CDH12: variants seen among roughly 807,000 people sequenced by gnomAD.
CDH12 encodes cadherin 12, also known as cadherin-12.
A neutral mutation model predicts 74.1 loss-of-function variants in CDH12; 41 were observed. That is an observed-to-expected ratio of 0.55 (90% CI 0.43 to 0.72). The LOEUF (loss-of-function observed/expected upper bound fraction) is 0.72, where lower values mean the gene tolerates loss of function less well. Ranked by LOEUF, CDH12 falls within the 30% of genes least tolerant of loss-of-function variation. CDH12 has a pLI of 0.00. For missense variants in CDH12, 945 were observed against 977.2 expected (o/e 0.97, Z 0.44); for synonymous variants, 399 against 355.0 (o/e 1.12, Z -1.39).
chr5:21,872,782 A>AGATC (rs200233475), intron 6 of CDH12, among the ~76,000 whole-genome samples: 8,480 of 99,624 alleles, frequency 0.085, 323 homozygotes, highest in Middle Eastern at 0.11. Flanking sequence ...GTTAAGAGTA[A>AGATC]GATCTATCTA....
At chr5:22,338,949 G>C (rs776898469) in intron 3 of CDH12, among the ~76,000 whole-genome samples, 8 of 152,044 alleles carry the variant, frequency 5.3e-5, no homozygotes, top group Non-Finnish European at 1.2e-4. Flanking sequence ...AAAGAACAGA[G>C]GCTTCAGTCC....
At chr5:21,969,117 C>T (rs549004057) in intron 6 of CDH12, among the ~76,000 whole-genome samples, 8 of 150,764 alleles carry the variant, frequency 5.3e-5, no homozygotes, top group Non-Finnish European at 1.2e-4. Context: ...ACATCCTGCA[C>T]AGGTACTCCA....
At chr5:22,095,381 C>T (rs777295653) in intron 4 of CDH12, among the ~76,000 whole-genome samples, 5 of 152,198 alleles carry the variant, frequency 3.3e-5, no homozygotes, top group Admixed American at 6.5e-5. Flanking sequence ...ACTCCGGCGC[C>T]GGTCATGGAC....
chr5:22,098,027 C>T (rs960777228), intron 4 of CDH12, among the ~76,000 whole-genome samples: 29 of 152,278 alleles, frequency 1.9e-4, no homozygotes, highest in Non-Finnish European at 3.7e-4. Flanking sequence ...GGTGCCAAAC[C>T]CATATACTCT....
intron 1 of CDH12, among the ~76,000 whole-genome samples, chr5:22,770,872 C>T (rs1746770082): frequency 6.6e-6 from 1 of 151,954 alleles, no homozygotes. Context: ...TCCTAAAGCA[C>T]AATAGTGATA....
chr5:22,582,902 A>G (rs1041294964), intron 1 of CDH12, among the ~76,000 whole-genome samples: 1 of 152,112 alleles, frequency 6.6e-6, no homozygotes, highest in African/African-American at 2.4e-5. Flanking sequence ...CCAGCACTAT[A>G]GGGGGATTGA....
chr5:22,667,585 T>C (rs139020507), intron 1 of CDH12, among the ~76,000 whole-genome samples: 31 of 152,342 alleles, frequency 2.0e-4, no homozygotes, highest in Middle Eastern at 3.4e-3. Context: ...TGATTTGCAC[T>C]ACTATGGATT....
rs71609770 is a variant in CDH12, at chr5:22,532,350, GATATATAT to G, written c.-522-26994_-522-26987del. ...TCTAACAGATAAATTATATAAATAG[GATATATAT>G]ATATATATATATATATATATGTATG... On this transcript the variant is annotated intron_variant, in intron 1 of 14. Transcript: ENST00000382254. Among the ~76,000 whole-genome samples the G allele has an allele frequency of 2.1e-3, 57 of 27,562 alleles. 4 individuals are homozygous for G. The highest frequency in any genetic ancestry group is 4.5e-3 in the South Asian group (3 of 666). 18.1% of individuals were successfully genotyped at this position (27,562 alleles called of 152,430 possible).
chr5:22,119,191 T>C (rs192628059), intron 4 of CDH12, among the ~76,000 whole-genome samples: 29 of 151,986 alleles, frequency 1.9e-4, no homozygotes, highest in African/African-American at 6.8e-4. Flanking sequence ...CTTCTTACTA[T>C]AAAGTTGTGA....
Position 22,477,698 on chromosome 5 carries a change from A to G in CDH12, c.-428+27572T>C, listed in dbSNP as rs554309542. 1.2e-3 allele frequency among the ~76,000 whole-genome samples: 180 copies of G among 152,282 alleles called. 1 individual carries two copies. Among genetic ancestry groups the G allele is most frequent in the African/African-American group, 4.2e-3 (173 of 41,574 alleles). On this transcript the variant is annotated intron_variant, in intron 2 of 14. Coordinates refer to ENST00000382254, the MANE Select transcript of CDH12 (RefSeq NM_004061.5). ...AATGGCCCTACTCTTCATACAGTTA[A>G]TAACACTATTGGACTACCCTCACTG...
At chr5:21,995,638 T>C (rs1736242332) in intron 5 of CDH12, among the ~76,000 whole-genome samples, 1 of 151,720 alleles carries the variant, frequency 6.6e-6, no homozygotes, top group African/African-American at 2.4e-5. Flanking sequence ...TTCATAATCA[T>C]AGGCACATAC....
At chr5:22,382,109 TTATAA>T (rs1261491057) in intron 3 of CDH12, among the ~76,000 whole-genome samples, 5 of 146,202 alleles carry the variant, frequency 3.4e-5, no homozygotes, top group African/African-American at 5.0e-5. Context: ...TAATATATAT[TTATAA>T]TATATCACAT....
chr5:22,166,659 T>C (rs1748698458), intron 4 of CDH12, among the ~76,000 whole-genome samples: 2 of 152,184 alleles, frequency 1.3e-5, no homozygotes, highest in African/African-American at 2.4e-5. Flanking sequence ...CACATGCTTT[T>C]AAAATATTTT....
At chr5:21,891,859 AGAAG>A (rs932139128) in intron 6 of CDH12, among the ~76,000 whole-genome samples, 5 of 152,082 alleles carry the variant, frequency 3.3e-5, no homozygotes, top group African/African-American at 9.7e-5. Context: ...AAACTTCAAA[AGAAG>A]GAAGGAAGGA....
chr5:21,753,892 G>C (rs1316957029), intron 14 of CDH12, among the ~76,000 whole-genome samples: 2 of 152,108 alleles, frequency 1.3e-5, no homozygotes, highest in African/African-American at 4.8e-5. Context: ...ATAACAAACA[G>C]AAAGAGTTTC....
intron 1 of CDH12, among the ~76,000 whole-genome samples, chr5:22,570,009 G>T (rs986986586): frequency 1.3e-4 from 19 of 151,894 alleles, no homozygotes; most frequent in Non-Finnish European, 1.6e-4. Context: ...TATAGCAGTA[G>T]GTATAATCTT....
chr5:22,435,482 A>G (rs1258670936), intron 2 of CDH12, among the ~76,000 whole-genome samples: 1 of 134,274 alleles, frequency 7.4e-6, no homozygotes, highest in Non-Finnish European at 1.6e-5. Flanking sequence ...ACACATATAT[A>G]TGTATGTGTA....
chr5:21,908,690 G>C lies in CDH12; in HGVS notation c.527-53900C>G, dbSNP rs1012079029. ...AGAGGCACTTCTGGGTGCAGCAGGAGAAGTTGCAATGTCACATACAAAAGG... is the reference window on the plus strand; with the variant it reads ...AGAGGCACTTCTGGGTGCAGCAGGACAAGTTGCAATGTCACATACAAAAGG... On this transcript the variant is annotated intron_variant, in intron 6 of 14. Transcript: ENST00000382254. Among the ~76,000 whole-genome samples the C allele has an allele frequency of 3.2e-4, 48 of 152,178 alleles. 1 individual carries two copies. Among genetic ancestry groups the C allele is most frequent in the Admixed American group, 2.4e-3 (36 of 15,276 alleles).
chr5:22,677,357 T>C (rs975180043), intron 1 of CDH12, among the ~76,000 whole-genome samples: 4 of 152,112 alleles, frequency 2.6e-5, no homozygotes, highest in African/African-American at 7.2e-5. Flanking sequence ...ACAGACGTCT[T>C]GATTTCAAAA....
Sources: allele counts gnomAD v4.1 joint callset (sites outside exome capture counted in the v4.1 genomes callset), GRCh38; gene constraint gnomAD v4.1.1; transcripts MANE v1.5; gene names NCBI Gene and HGNC (gene_info 2026-07-23, HGNC 2026-07-21).